Variants in DNA2 observed in about 807,000 individuals in gnomAD.
DNA2 encodes DNA replication ATP-dependent helicase/nuclease DNA2.
A neutral mutation model predicts 119.1 loss-of-function variants in DNA2; 101 were observed. The observed-to-expected ratio is 0.85, with a 90% CI of 0.72 to 1.00. The LOEUF is 1.00. Ranked by LOEUF, DNA2 falls within the 50% of genes least tolerant of loss-of-function variation. The probability of loss-of-function intolerance (pLI) is 0.00; values close to 1 mark genes in which losing one functional copy is unlikely to be tolerated. For synonymous variants in DNA2, 366 were observed against 424.4 expected, an observed-to-expected ratio of 0.86 and a Z score of 1.69; for missense variants, 1,121 against 1,255.5, an observed-to-expected ratio of 0.89 and a Z score of 1.62.
rs1247587730 is a variant in DNA2 at position 68,425,897 on chromosome 10, G to A, written c.2209-3007C>T. ...CACCTGTAATACCAGCACTTTGGGA[G>A]GGCAAGATGGGTGAATCACTTGAGG... On this transcript the variant is annotated intron_variant, in intron 14 of 20. Transcript: ENST00000358410. Among the ~76,000 whole-genome samples, 7 of 151,988 alleles carry A rather than the reference G, an allele frequency of 4.6e-5. No homozygotes were observed. The South Asian group carries it at 1.2e-3, about 27-fold the overall frequency.
At chr10:68,456,959 C>G (rs1008373562) in intron 5 of DNA2, among the ~76,000 whole-genome samples, 5 of 151,604 alleles carry the variant, frequency 3.3e-5, no homozygotes, top group Admixed American at 2.6e-4. Flanking sequence ...ACGGTGAAAC[C>G]CCGGCTCTAC....
chr10:68,468,160 C>G lies in DNA2; in HGVS notation c.404G>C (p.Arg135Pro), dbSNP rs764300882. Reference sequence around the variant, plus strand: ...ACTCAGGACAGCTCTTCTCATACATCGAATACTACTGGCTATGCTGGTGCC... The same window carrying G: ...ACTCAGGACAGCTCTTCTCATACATGGAATACTACTGGCTATGCTGGTGCC... ...ISGTSIASSI[R>P]CMRRAVLSET... The change falls in exon 3 of 21, where the codon CGA becomes CCA. Residue 135 changes from arginine (R) to proline (P), a missense_variant. Arg to Pro is a moderately radical substitution (Grantham distance 103). Transcript: ENST00000358410. The G allele has an allele frequency of 3.7e-6, 6 of 1,606,450 alleles. No homozygotes were observed. The South Asian group carries it at 6.8e-5, about 18-fold the overall frequency.
rs1464672002 is a variant in DNA2, at chr10:68,471,858, G to A, written c.7C>T (p.Gln3Ter). The stretch of plus-strand genomic sequence containing the variant: ...ATCAGCAGCTCCAGTTCGTTCAGCT[G>A]CTCCATCCTGGACGCGGGGATCGCA... The part of the protein sequence containing the change: ME[Q>*]LNELELLMEK... Residue 3 changes from glutamine (Q) to a stop codon, truncating the protein, a stop_gained, in exon 1 of 21, where the codon CAG (glutamine) becomes TAG (stop). Coordinates refer to ENST00000358410, the MANE Select transcript of DNA2 (RefSeq NM_001080449.3). LOFTEE classifies it high-confidence loss of function. The A allele has an allele frequency of 1.2e-6, 2 of 1,613,904 alleles. No homozygotes were observed. The highest frequency in any genetic ancestry group is 1.1e-5 in the South Asian group (1 of 91,076).
Position 68,447,844 on chromosome 10 carries a change from C to T in DNA2, c.940-1431G>A, listed in dbSNP as rs539125570. 1.5e-4 allele frequency among the ~76,000 whole-genome samples: 23 copies of T among 151,784 alleles called. No individual in the cohort carries two copies. The South Asian group carries it at 1.9e-3, about 12-fold the overall frequency. The stretch of plus-strand genomic sequence containing the variant: ...TAAAAATACAAAAAAATTAGCCGGG[C>T]GTGGTGGTGGGCGCCTGTAGTCCCA... On this transcript the variant is annotated intron_variant, in intron 6 of 20. Transcript: ENST00000358410.
chr10:68,461,498 C>T (rs2133437132), intron 4 of DNA2: 1 of 151,924 alleles, frequency 6.6e-6, no homozygotes, highest in East Asian at 1.9e-4. Context: ...GATGGGAGAC[C>T]ACCTGGGAAT....
chr10:68,464,615 C>T (rs985087266), intron 4 of DNA2, among the ~76,000 whole-genome samples: 9 of 151,472 alleles, frequency 5.9e-5, no homozygotes, highest in African/African-American at 1.9e-4. Flanking sequence ...AGGCGGATCA[C>T]CTAGGTCAGG....
chr10:68,465,542 A>G (rs1410699478), intron 4 of DNA2, 125 bp downstream of exon 4: 4 of 758,314 alleles, frequency 5.3e-6, no homozygotes, highest in Non-Finnish European at 7.5e-6. Context: ...ATGTACTAGA[A>G]CTATGAAATC....
chr10:68,436,667 G>A (rs1437012474), intron 10 of DNA2, among the ~76,000 whole-genome samples: 2 of 152,184 alleles, frequency 1.3e-5, no homozygotes, highest in African/African-American at 2.4e-5. Context: ...AAAACAGTGT[G>A]CTGTGTGAAA....
intron 20 of DNA2, among the ~76,000 whole-genome samples, chr10:68,416,387 G>A (rs1476121159): frequency 6.6e-6 from 1 of 152,102 alleles, no homozygotes; most frequent in Non-Finnish European, 1.5e-5. Context: ...GATCACTTTA[G>A]CCTGGGAGAT....
Position 68,446,900 on chromosome 10 carries a change from CA to C in DNA2, c.940-488del, listed in dbSNP as rs58895182. ...GGGATGGTTAATGGGTATCAAGAAA[CA>C]AAAAAAAAGAGTAATGAATAAGACA... On this transcript the variant is annotated intron_variant, in intron 6 of 20. Coordinates refer to ENST00000358410, the MANE Select transcript of DNA2 (RefSeq NM_001080449.3). 2.5e-3 allele frequency among the ~76,000 whole-genome samples: 364 copies of C among 148,318 alleles called. 1 individual carries two copies. Among genetic ancestry groups the C allele is most frequent in the African/African-American group, 8.5e-3 (345 of 40,418 alleles).
chr10:68,465,576 A>G, intron 4 of DNA2, 91 bp downstream of exon 4: 2 of 960,834 alleles, frequency 2.1e-6, no homozygotes, highest in Non-Finnish European at 2.9e-6. Context: ...ACACTAATTT[A>G]TATTGGATAG....
rs1011942644 is a variant in DNA2, at chr10:68,459,003, T to C, written c.719+101A>G. The stretch of plus-strand genomic sequence containing the variant: ...TAAAATAAGCAAGCAAAATGGCTAA[T>C]TGTAATTACTCAATCTTTAAAAACT... On this transcript the variant is annotated intron_variant, in intron 5 of 20. Coordinates refer to ENST00000358410, the MANE Select transcript of DNA2 (RefSeq NM_001080449.3). 18 of 1,071,112 alleles carry C rather than the reference T, an allele frequency of 1.7e-5. 1 individual carries two copies. The South Asian group carries it at 2.3e-4, about 14-fold the overall frequency. 66.4% of individuals were successfully genotyped at this position (1,071,112 alleles called of 1,614,324 possible).
intron 5 of DNA2, among the ~76,000 whole-genome samples, chr10:68,457,379 C>T (rs894088281): frequency 1.3e-5 from 2 of 152,180 alleles, no homozygotes; most frequent in Admixed American, 6.6e-5. Flanking sequence ...GACAGCTGTA[C>T]GGTTCACTAC....
chr10:68,455,619 G>A (rs2052172174), intron 5 of DNA2, among the ~76,000 whole-genome samples: 2 of 151,918 alleles, frequency 1.3e-5, no homozygotes, highest in Non-Finnish European at 2.9e-5. Flanking sequence ...TCAGGAGTTC[G>A]AGACCAGCCT....
At chr10:68,472,229 G>GGACT, upstream of DNA2, 1 of 1,208,850 alleles carries the variant, frequency 8.3e-7, no homozygotes, top group East Asian at 5.7e-5. Flanking sequence ...CAAGTAGCTG[G>GGACT]GACTACAGGC....
At chr10:68,428,213 G>C (rs887206343) in intron 14 of DNA2, among the ~76,000 whole-genome samples, 1 of 151,948 alleles carries the variant, frequency 6.6e-6, no homozygotes, top group East Asian at 1.9e-4. Context: ...TGTAGTCCCA[G>C]CTACTCGGGA....
Position 68,459,133 on chromosome 10 carries a change from C to T in DNA2, c.690G>A (p.Ser230=). The change falls in exon 5 of 21, where the codon TCG becomes TCA. Residue 230 remains serine, a synonymous_variant. Coordinates refer to ENST00000358410, the MANE Select transcript of DNA2 (RefSeq NM_001080449.3). ...WAGDFMHKNT[S]TDFPQMQLSL... ...AGAGCTGCATCTGAGGGAAGTCAGTCGAAGTGTTTTTATGCATGAAATCTC... is the reference window on the plus strand; with the variant it reads ...AGAGCTGCATCTGAGGGAAGTCAGTTGAAGTGTTTTTATGCATGAAATCTC... 2 of 1,599,886 alleles carry T rather than the reference C, an allele frequency of 1.3e-6. No individual in the cohort carries two copies. The highest frequency in any genetic ancestry group is 1.1e-5 in the South Asian group (1 of 88,484).
At chr10:68,449,131 T>C (rs1224128728) in intron 6 of DNA2, among the ~76,000 whole-genome samples, 7 of 152,156 alleles carry the variant, frequency 4.6e-5, no homozygotes, top group Admixed American at 1.3e-4. Context: ...CTGTTTAGCA[T>C]TATAAAGTGA....
intron 3 of DNA2, 44 bp from the exon 4 acceptor site, chr10:68,465,856 G>T (rs1371325526): frequency 1.4e-6 from 2 of 1,417,008 alleles, no homozygotes; most frequent in Non-Finnish European, 1.9e-6. Flanking sequence ...CATATTAACA[G>T]ACACAATTGT....
Sources: gnomAD v4.1 joint callset for allele counts (sites outside exome capture counted in the v4.1 genomes callset) on GRCh38, gnomAD v4.1.1 for gene constraint, MANE v1.5 for transcripts, NCBI Gene and HGNC (gene_info 2026-07-23, HGNC 2026-07-21) for gene names.